Variants in CEP112 observed in about 807,000 individuals in gnomAD.
CEP112 encodes centrosomal protein of 112 kDa.
In CEP112, 127 loss-of-function variants were observed where a neutral mutation model predicts 153.0. The observed-to-expected ratio is 0.83, with a 90% CI of 0.72 to 0.96. The LOEUF is 0.96. Ranked by LOEUF, CEP112 falls within the 40% of genes least tolerant of loss-of-function variation. The pLI is 0.00. For missense variants in CEP112, 1,089 were observed against 1,101.2 expected (o/e 0.99, Z 0.16); for synonymous variants, 358 against 374.4 (o/e 0.96, Z 0.51).
intron 18 of CEP112, among the ~76,000 whole-genome samples, chr17:65,954,564 A>G (rs2061943607): frequency 6.6e-6 from 1 of 152,214 alleles, no homozygotes; most frequent in Admixed American, 6.5e-5. Flanking sequence ...AAGCGAATCA[A>G]GGAGGCATCA....
At chr17:65,928,652 C>T (rs2061014206) in intron 18 of CEP112, among the ~76,000 whole-genome samples, 1 of 152,010 alleles carries the variant, frequency 6.6e-6, no homozygotes, top group South Asian at 2.1e-4. Flanking sequence ...CGCTTGAGCC[C>T]AGGAGTCGGA....
At chr17:65,714,938 C>A (rs1297483344) in intron 23 of CEP112, among the ~76,000 whole-genome samples, 1 of 151,928 alleles carries the variant, frequency 6.6e-6, no homozygotes, top group Admixed American at 6.6e-5. Context: ...TATGAATAGA[C>A]CTGAATGATG....
intron 6 of CEP112, among the ~76,000 whole-genome samples, chr17:66,111,299 C>T (rs2069031473): frequency 6.6e-6 from 1 of 152,130 alleles, no homozygotes; most frequent in South Asian, 2.1e-4. Context: ...GCAGTATGGC[C>T]ATTGCTCAAA....
chr17:65,704,903 G>A (rs1321297707), intron 23 of CEP112, among the ~76,000 whole-genome samples: 1 of 152,226 alleles, frequency 6.6e-6, no homozygotes, highest in Non-Finnish European at 1.5e-5. Context: ...TTAATGTTCA[G>A]CTGACACATT....
At chr17:65,665,580 T>A (rs2046649894) in intron 24 of CEP112, among the ~76,000 whole-genome samples, 1 of 152,172 alleles carries the variant, frequency 6.6e-6, no homozygotes, top group South Asian at 2.1e-4. Context: ...TGATAGCAGG[T>A]ATCTTGCAAC....
At chr17:66,118,213 T>C (rs2069397276) in intron 6 of CEP112, among the ~76,000 whole-genome samples, 1 of 152,210 alleles carries the variant, frequency 6.6e-6, no homozygotes, top group South Asian at 2.1e-4. Flanking sequence ...CTAATAGTGC[T>C]GTAGTAAACA....
chr17:65,879,836 T>A (rs1598864643), intron 20 of CEP112, among the ~76,000 whole-genome samples: 15 of 78,712 alleles, frequency 1.9e-4, no homozygotes, highest in African/African-American at 3.0e-4. Flanking sequence ...AAAGACAAAA[T>A]GAAAAAAAAA....
chr17:65,697,466 A>G lies in CEP112; in HGVS notation c.2608-8248T>C, dbSNP rs186686479. On this transcript the variant is annotated intron_variant, in intron 23 of 26. Coordinates refer to ENST00000535342, the MANE Select transcript of CEP112 (RefSeq NM_001199165.4). The stretch of plus-strand genomic sequence containing the variant: ...ATGTTTTTCTTTCTACTACTGCTAA[A>G]TGAAGGCTAAGGTAAAATACAAATA... Among the ~76,000 whole-genome samples the G allele has an allele frequency of 9.8e-5, 15 of 152,316 alleles. No individual in the cohort carries two copies. The East Asian group carries it at 2.9e-3, about 29-fold the overall frequency.
At chr17:65,981,707 T>C (rs2063233922) in intron 17 of CEP112, among the ~76,000 whole-genome samples, 1 of 152,208 alleles carries the variant, frequency 6.6e-6, no homozygotes, top group African/African-American at 2.4e-5. Context: ...CCCAACTAGC[T>C]GGGATTACAG....
chr17:66,188,286 A>AAC (rs59802008), intron 1 of CEP112, among the ~76,000 whole-genome samples: 28,239 of 109,010 alleles, frequency 0.26, 3,019 homozygotes, highest in East Asian at 0.49. Context: ...CACACACACA[A>AAC]ACACACACAC....
rs564218990 is a variant in CEP112, at chr17:65,740,135, C to T, written c.2607+2933G>A. ...ATATGTTTTGGGATGTGCATTTTCACTGAAAAATATCATGTGAACATTTTC... is the reference window on the plus strand; with the variant it reads ...ATATGTTTTGGGATGTGCATTTTCATTGAAAAATATCATGTGAACATTTTC... On this transcript the variant is annotated intron_variant, in intron 23 of 26. Coordinates refer to ENST00000535342, the MANE Select transcript of CEP112 (RefSeq NM_001199165.4). 3.9e-5 allele frequency among the ~76,000 whole-genome samples: 6 copies of T among 152,220 alleles called. No homozygotes were observed. In the South Asian group the frequency reaches 1.0e-3, roughly 26 times the overall value.
At chr17:66,100,584 T>C (rs1264084803) in intron 6 of CEP112, among the ~76,000 whole-genome samples, 2 of 151,892 alleles carry the variant, frequency 1.3e-5, no homozygotes, top group Non-Finnish European at 2.9e-5. Context: ...ACAATAAATG[T>C]ATAATTGGAT....
At chr17:66,060,491 C>A (rs1048706339) in intron 11 of CEP112, among the ~76,000 whole-genome samples, 1 of 152,084 alleles carries the variant, frequency 6.6e-6, no homozygotes, top group Non-Finnish European at 1.5e-5. Flanking sequence ...ATCACAGTAA[C>A]TGACATGAAA....
At chr17:66,122,502 G>A (rs1239189832) in intron 6 of CEP112, among the ~76,000 whole-genome samples, 1 of 152,078 alleles carries the variant, frequency 6.6e-6, no homozygotes, top group East Asian at 1.9e-4. Flanking sequence ...ATTTCATAAA[G>A]TATATTTCTC....
chr17:65,951,759 C>T (rs1198688149), intron 18 of CEP112, among the ~76,000 whole-genome samples: 2 of 125,826 alleles, frequency 1.6e-5, no homozygotes, highest in African/African-American at 5.6e-5. Context: ...CCCTTTCTTC[C>T]ACTTGCTTAG....
At position 66,108,941 on chromosome 17, in the gene CEP112, G is replaced by C. The variant is rs1033342252; in HGVS notation, c.643-12309C>G. Among the ~76,000 whole-genome samples, 4 of 152,156 alleles carry C rather than the reference G, an allele frequency of 2.6e-5. 1 individual carries two copies. Among genetic ancestry groups the C allele is most frequent in the Admixed American group, 2.6e-4 (4 of 15,262 alleles). ...TGCAGTACTATTCAGCCATAAAAAA[G>C]AATGAGATCCTGTCATTTGCAAAAA... On this transcript the variant is annotated intron_variant, in intron 6 of 26. Transcript: ENST00000535342.
At chr17:66,076,540 A>T (rs1187645394) in intron 8 of CEP112, among the ~76,000 whole-genome samples, 3 of 152,132 alleles carry the variant, frequency 2.0e-5, no homozygotes, top group Non-Finnish European at 4.4e-5. Context: ...CCCCCACAGC[A>T]GCCACAGTAA....
chr17:66,031,109 AT>A (rs1295237126), intron 12 of CEP112, among the ~76,000 whole-genome samples: 1 of 152,138 alleles, frequency 6.6e-6, no homozygotes, highest in Non-Finnish European at 1.5e-5. Flanking sequence ...AGAAGTTCTG[AT>A]TTCTTCTTCC....
chr17:65,728,779 G>A (rs765044345), intron 23 of CEP112, among the ~76,000 whole-genome samples: 4 of 152,108 alleles, frequency 2.6e-5, no homozygotes, highest in Admixed American at 6.5e-5. Flanking sequence ...TACCATGAAT[G>A]GAGCTTGCGG....
Sources: gnomAD v4.1 joint callset for allele counts (sites outside exome capture counted in the v4.1 genomes callset) on GRCh38, gnomAD v4.1.1 for gene constraint, MANE v1.5 for transcripts, NCBI Gene and HGNC (gene_info 2026-07-23, HGNC 2026-07-21) for gene names.